The following SRC variants were observed in gnomAD, a reference collection of about 807,000 sequenced individuals.
The protein encoded by SRC is SRC proto-oncogene, non-receptor tyrosine kinase, also known as proto-oncogene tyrosine-protein kinase Src.
SRC carries 13 observed loss-of-function variants against 62.9 expected under a neutral mutation model. The ratio of observed to expected loss-of-function variants is 0.21; its 90% CI spans 0.13 to 0.33. The LOEUF (loss-of-function observed/expected upper bound fraction) is 0.33. Among genes scored for constraint, SRC ranks in the 10% least tolerant of loss-of-function variants. The probability of loss-of-function intolerance (pLI) is 1.00; values close to 1 mark genes in which losing one functional copy is unlikely to be tolerated. For missense variants in SRC, 457 were observed against 737.3 expected, an observed-to-expected ratio of 0.62 and a Z score of 4.40; for synonymous variants, 302 against 317.5, an observed-to-expected ratio of 0.95 and a Z score of 0.52.
At chr20:37,401,729 A>G (rs1601022483) in intron 11 of SRC, 51 bp downstream of exon 11, 2 of 1,446,768 alleles carry the variant, frequency 1.4e-6, no homozygotes, top group African/African-American at 1.4e-5. Context: ...AAGCACCCAG[A>G]CCCATCTGGT....
chr20:37,385,333 A>T (rs1181857738), intron 4 of SRC, among the ~76,000 whole-genome samples: 1 of 152,196 alleles, frequency 6.6e-6, no homozygotes, highest in Non-Finnish European at 1.5e-5. Flanking sequence ...ACCCACAGAC[A>T]CACCATTCAT....
At chr20:37,400,672 G>C (rs1482036024) in intron 10 of SRC, among the ~76,000 whole-genome samples, 1 of 152,060 alleles carries the variant, frequency 6.6e-6, no homozygotes, top group African/African-American at 2.4e-5. Context: ...GTGAGCCACA[G>C]TAATTTTTAA....
upstream of SRC, among the ~76,000 whole-genome samples, chr20:37,345,225 G>A (rs1016910803): frequency 1.3e-5 from 2 of 152,152 alleles, no homozygotes; most frequent in Non-Finnish European, 2.9e-5. Context: ...AGGATTCCAG[G>A]ACAGGTAAGG....
At chr20:37,355,039 G>T (rs959860878) in intron 1 of SRC, among the ~76,000 whole-genome samples, 1 of 152,188 alleles carries the variant, frequency 6.6e-6, no homozygotes, top group Non-Finnish European at 1.5e-5. Context: ...AGGCTTGGAG[G>T]TGGCACAGTT....
chr20:37,368,524 T>G lies in SRC; in HGVS notation c.-173+3247T>G, dbSNP rs1568625172. ...ACATTTATGCCTATATTTTCTTTTTTTTTTTTTTTTTTTTTTTTTGTTTTT... is the reference window on the plus strand; with the variant it reads ...ACATTTATGCCTATATTTTCTTTTTGTTTTTTTTTTTTTTTTTTTGTTTTT... On this transcript the variant is annotated intron_variant, in intron 2 of 13. Coordinates refer to ENST00000373578, the MANE Select transcript of SRC (RefSeq NM_198291.3). Among the ~76,000 whole-genome samples, 6 of 127,722 alleles carry G rather than the reference T, an allele frequency of 4.7e-5. 1 individual carries two copies. Among genetic ancestry groups the G allele is most frequent in the South Asian group, 4.8e-4 (2 of 4,128 alleles). 83.8% of individuals were successfully genotyped at this position (127,722 alleles called of 152,430 possible).
intron 5 of SRC, among the ~76,000 whole-genome samples, chr20:37,390,627 A>G (rs1160593970): frequency 6.6e-6 from 1 of 151,022 alleles, no homozygotes; most frequent in Admixed American, 6.6e-5. Flanking sequence ...CTGGTCTCGA[A>G]CTCCTGACCT....
intron 1 of SRC, among the ~76,000 whole-genome samples, chr20:37,355,566 G>A (rs1451439486): frequency 6.6e-6 from 1 of 152,178 alleles, no homozygotes; most frequent in Non-Finnish European, 1.5e-5. Context: ...GATGGGTGCT[G>A]GGAACCCTGA....
Position 37,384,301 on chromosome 20 carries a change from C to T in SRC, c.148C>T (p.Pro50Ser). The change falls in exon 4 of 14, where the codon CCC (proline) becomes TCC (serine). Residue 50 changes from proline (P) to serine (S), a missense_variant. Pro to Ser is a moderately conservative substitution (Grantham distance 74, BLOSUM62 -1). Transcript: ENST00000373578. The surrounding 1 kb of genome is among the most constrained non-coding windows in gnomAD (Gnocchi z 6.7). The stretch of plus-strand genomic sequence containing the variant: ...AGCCTCGGCCGACGGCCACCGCGGC[C>T]CCAGCGCGGCCTTCGCCCCCGCGGC... ...KPASADGHRGPSAAFAPAAAE... is the reference protein window; with the variant it reads ...KPASADGHRGSSAAFAPAAAE... The T allele has an allele frequency of 6.8e-7, 1 of 1,479,166 alleles. No individual in the cohort carries two copies. Among genetic ancestry groups the T allele is most frequent in the Non-Finnish European group, 8.9e-7 (1 of 1,122,098 alleles). 91.6% of individuals were successfully genotyped at this position (1,479,166 alleles called of 1,614,324 possible).
chr20:37,382,049 C>T (rs562916944), intron 2 of SRC, among the ~76,000 whole-genome samples: 4 of 152,162 alleles, frequency 2.6e-5, no homozygotes, highest in Non-Finnish European at 5.9e-5. Flanking sequence ...CTGGGCTGGG[C>T]GCTCAGGGCA....
chr20:37,394,200 G>T lies in SRC; in HGVS notation c.476G>T (p.Arg159Leu). ...TGGTATTTTGGCAAGATCACCAGAC[G>T]GGAGTCAGAGCGGTTACTGCTCAAT... Reference protein sequence around the residue: ...EEWYFGKITRRESERLLLNAE... With the variant: ...EEWYFGKITRLESERLLLNAE... The change falls in exon 7 of 14, where the codon CGG (arginine) becomes CTG (leucine). Residue 159 changes from arginine to leucine, a missense_variant. Around this residue, in one of 4 missense-constraint regions of SRC, gnomAD observed 141 missense variants for 198.4 expected, o/e 0.71. Transcript: ENST00000373578. The T allele has an allele frequency of 6.2e-7, 1 of 1,614,028 alleles. No homozygotes were observed. The highest frequency in any genetic ancestry group is 8.5e-7 in the Non-Finnish European group (1 of 1,180,028).
In SRC at chr20:37,384,807, G is replaced by C. The variant is rs569036513; in HGVS notation, c.250+404G>C. 7.6e-3 allele frequency among the ~76,000 whole-genome samples: 1,161 copies of C among 152,262 alleles called. 24 individuals are homozygous for C. Among genetic ancestry groups the C allele is most frequent in the African/African-American group, 0.026 (1,101 of 41,556 alleles). On this transcript the variant is annotated intron_variant, in intron 4 of 13. Transcript: ENST00000373578. The surrounding 1 kb of genome is among the most constrained non-coding windows in gnomAD (Gnocchi z 6.7). ...GGGGCAGCTGGGTCGCTCGGGGAAC[G>C]GGGCACCGGATGGCCCCGGTTGGGC...
At chr20:37,394,992 C>T (rs1038704226) in intron 7 of SRC, among the ~76,000 whole-genome samples, 2 of 152,118 alleles carry the variant, frequency 1.3e-5, no homozygotes, top group Non-Finnish European at 2.9e-5. Flanking sequence ...TTGTCTGGTG[C>T]CTGAGGGCCT....
chr20:37,361,109 T>A (rs1600962815), intron 1 of SRC, among the ~76,000 whole-genome samples: 1 of 138,114 alleles, frequency 7.2e-6, no homozygotes, highest in African/African-American at 2.7e-5. Context: ...GGTGGGGCAG[T>A]GAAAGGGGAG....
intron 2 of SRC, among the ~76,000 whole-genome samples, chr20:37,377,532 G>T (rs539271592): frequency 6.6e-6 from 1 of 152,324 alleles, no homozygotes; most frequent in East Asian, 1.9e-4. Context: ...GAGCCAGGAG[G>T]TGAGAGAGAG....
chr20:37,366,712 AT>A (rs746918843), intron 2 of SRC, among the ~76,000 whole-genome samples: 43 of 150,778 alleles, frequency 2.9e-4, no homozygotes, highest in African/African-American at 6.1e-4. Flanking sequence ...TCAATATTTC[AT>A]TTTTTTTTCT....
intron 2 of SRC, among the ~76,000 whole-genome samples, chr20:37,373,007 C>G (rs1340368700): frequency 6.6e-6 from 1 of 151,786 alleles, no homozygotes; most frequent in Non-Finnish European, 1.5e-5. Context: ...TATCTTTTCC[C>G]CTTTATGCAT....
chr20:37,355,455 G>A (rs2069868254), intron 1 of SRC, among the ~76,000 whole-genome samples: 1 of 152,222 alleles, frequency 6.6e-6, no homozygotes, highest in African/African-American at 2.4e-5. Context: ...AGGACTCAGT[G>A]CTGCCACTGG....
At chr20:37,376,685 T>C (rs528175453) in intron 2 of SRC, among the ~76,000 whole-genome samples, 1 of 152,320 alleles carries the variant, frequency 6.6e-6, no homozygotes, top group South Asian at 2.1e-4. Context: ...GTATTTCTAG[T>C]AGAGATGGGG....
chr20:37,382,409 TGCCATACCCTGTCTC>T (rs2070378890), intron 2 of SRC, among the ~76,000 whole-genome samples, 195 bp from the exon 3 acceptor site: 1 of 152,192 alleles, frequency 6.6e-6, no homozygotes, highest in African/African-American at 2.4e-5. Flanking sequence ...CTCACCACCA[TGCCATACCCTGTCTC>T]GCTCTTGCTT....
Sources: gnomAD v4.1 joint callset for allele counts (sites outside exome capture counted in the v4.1 genomes callset) on GRCh38, gnomAD v4.1.1 for gene constraint, gnomAD v4.1.1 regional missense constraint, Gnocchi (gnomAD v3.1) non-coding constraint, MANE v1.5 for transcripts, NCBI Gene and HGNC (gene_info 2026-07-23, HGNC 2026-07-21) for gene names.